MSRA: variants seen among roughly 807,000 people sequenced by gnomAD.
MSRA encodes mitochondrial peptide methionine sulfoxide reductase.
MSRA carries 54 observed loss-of-function variants against 31.3 expected under a neutral mutation model. The ratio of observed to expected loss-of-function variants is 1.73; its 90% CI spans 1.39 to 2.17. MSRA has a LOEUF of 2.17. MSRA is among the 30% of genes most tolerant of loss of function. MSRA has a pLI of 0.00. For synonymous variants in MSRA, 169 were observed against 116.5 expected, an observed-to-expected ratio of 1.45 and a Z score of -2.90; for missense variants, 507 against 300.9, an observed-to-expected ratio of 1.69 and a Z score of -5.07.
intron 5 of MSRA, among the ~76,000 whole-genome samples, chr8:10,421,064 C>CGG (rs1265587298): frequency 2.0e-5 from 3 of 152,060 alleles, no homozygotes; most frequent in African/African-American, 7.2e-5. Flanking sequence ...TTTTGAGTCC[C>CGG]GGGGATGTGA....
At chr8:10,119,584 G>C (rs1466298618) in intron 1 of MSRA, among the ~76,000 whole-genome samples, 4 of 152,206 alleles carry the variant, frequency 2.6e-5, no homozygotes, top group Admixed American at 6.5e-5. Context: ...GCACAGCCTT[G>C]CCCTTTGGGA....
intron 2 of MSRA, among the ~76,000 whole-genome samples, chr8:10,211,251 G>T (rs139748649): frequency 6.6e-4 from 101 of 152,304 alleles, no homozygotes; most frequent in Non-Finnish European, 1.3e-3. Flanking sequence ...CAAGGGATCA[G>T]AGAATAGATA....
rs1201744152 is a variant in MSRA, at chr8:10,168,584, C to T, written c.143-39249C>T. Among the ~76,000 whole-genome samples the T allele has an allele frequency of 3.9e-5, 6 of 152,270 alleles. 1 individual carries two copies. The South Asian group carries it at 6.2e-4, about 16-fold the overall frequency. On this transcript the variant is annotated intron_variant, in intron 1 of 5. Coordinates refer to ENST00000317173, the MANE Select transcript of MSRA (RefSeq NM_012331.5). Reference sequence around the variant, plus strand: ...TAAACCTAGTAGCAAAACCCCTATACGATAATGAGTTGTAGTCTATTTTAC... The same window carrying T: ...TAAACCTAGTAGCAAAACCCCTATATGATAATGAGTTGTAGTCTATTTTAC...
At chr8:10,240,822 A>G (rs1812345587) in intron 2 of MSRA, among the ~76,000 whole-genome samples, 1 of 151,696 alleles carries the variant, frequency 6.6e-6, no homozygotes, top group Admixed American at 6.6e-5. Flanking sequence ...CCAACCATTC[A>G]ACACCCCACC....
intron 5 of MSRA, among the ~76,000 whole-genome samples, chr8:10,399,337 T>A (rs1246235801): frequency 6.6e-6 from 1 of 152,172 alleles, no homozygotes; most frequent in Non-Finnish European, 1.5e-5. Flanking sequence ...AAACTCATGT[T>A]AAAATGTGAC....
chr8:10,077,844 T>C (rs1798070725), intron 1 of MSRA, among the ~76,000 whole-genome samples: 1 of 152,188 alleles, frequency 6.6e-6, no homozygotes, highest in South Asian at 2.1e-4. Context: ...ATTGGTCCCA[T>C]TTACTCATCC....
At chr8:10,186,727 A>T (rs202113700) in intron 1 of MSRA, among the ~76,000 whole-genome samples, 2 of 152,126 alleles carry the variant, frequency 1.3e-5, no homozygotes, top group African/African-American at 4.8e-5. Flanking sequence ...AGTGGCTGTG[A>T]TGGGTGGGGC....
At chr8:10,150,038 AT>A (rs1803526199) in intron 1 of MSRA, among the ~76,000 whole-genome samples, 1 of 146,952 alleles carries the variant, frequency 6.8e-6, no homozygotes, top group African/African-American at 2.5e-5. Context: ...GCTCTGTTGG[AT>A]TGGGGAAAAA....
At position 10,108,872 on chromosome 8, in the gene MSRA, C is replaced by G. The variant is rs142578616; in HGVS notation, c.142+54214C>G. 5.3e-3 allele frequency among the ~76,000 whole-genome samples: 814 copies of G among 152,230 alleles called. 10 individuals are homozygous for G. The highest frequency in any genetic ancestry group is 0.018 in the African/African-American group (740 of 41,538). On this transcript the variant is annotated intron_variant, in intron 1 of 5. Transcript: ENST00000317173. ...TCAACATAAAAGCAGCCCAGAGCTT[C>G]TGCCTGGCTGCCAATGTAGGCAGCC... is the stretch of plus-strand genomic sequence containing the variant.
At chr8:10,369,251 A>T (rs74819208) in intron 5 of MSRA, among the ~76,000 whole-genome samples, 16 of 117,484 alleles carry the variant, frequency 1.4e-4, no homozygotes, top group Admixed American at 8.7e-4. Flanking sequence ...AGAGTTCTTT[A>T]AAAAAAAAAA....
intron 1 of MSRA, among the ~76,000 whole-genome samples, chr8:10,108,728 TA>T (rs1800065345): frequency 6.6e-6 from 1 of 152,200 alleles, no homozygotes; most frequent in African/African-American, 2.4e-5. Context: ...TGCAGGTCTC[TA>T]GCACTTATCA....
At chr8:10,380,201 C>T (rs1194809053) in intron 5 of MSRA, among the ~76,000 whole-genome samples, 1 of 152,210 alleles carries the variant, frequency 6.6e-6, no homozygotes, top group Non-Finnish European at 1.5e-5. Context: ...TTTTCATGTG[C>T]TGTTTCCTCT....
chr8:10,090,990 C>T (rs890795728), intron 1 of MSRA, among the ~76,000 whole-genome samples: 2 of 152,132 alleles, frequency 1.3e-5, no homozygotes, highest in African/African-American at 2.4e-5. Context: ...ATTCTGTGGG[C>T]ATTTATGTGT....
At chr8:10,211,260 T>C (rs1203150694) in intron 2 of MSRA, among the ~76,000 whole-genome samples, 6 of 152,156 alleles carry the variant, frequency 3.9e-5, no homozygotes, top group African/African-American at 1.2e-4. Context: ...AGAGAATAGA[T>C]AGATGATTCC....
At chr8:10,182,709 T>C (rs1394589682) in intron 1 of MSRA, among the ~76,000 whole-genome samples, 1 of 152,206 alleles carries the variant, frequency 6.6e-6, no homozygotes, top group Non-Finnish European at 1.5e-5. Flanking sequence ...GCTCAGGGCC[T>C]CATTTCCTTG....
At chr8:10,304,015 A>C (rs1200326072) in intron 4 of MSRA, among the ~76,000 whole-genome samples, 1 of 152,038 alleles carries the variant, frequency 6.6e-6, no homozygotes, top group Non-Finnish European at 1.5e-5. Context: ...GTCTCACTGA[A>C]CCCTCCACCT....
chr8:10,427,747 T>C (rs1809272598), intron 5 of MSRA, among the ~76,000 whole-genome samples: 1 of 152,128 alleles, frequency 6.6e-6, no homozygotes, highest in African/African-American at 2.4e-5. Context: ...CTGAGCCCTC[T>C]CAGGGACATC....
intron 3 of MSRA, among the ~76,000 whole-genome samples, chr8:10,246,342 T>C (rs1797622511): frequency 6.6e-6 from 1 of 152,232 alleles, no homozygotes; most frequent in Non-Finnish European, 1.5e-5. Context: ...AGATTACCTC[T>C]CTGGACTTGT....
intron 5 of MSRA, among the ~76,000 whole-genome samples, chr8:10,423,719 C>A (rs1808953863): frequency 6.6e-6 from 1 of 152,196 alleles, no homozygotes; most frequent in South Asian, 2.1e-4. Context: ...ACTGAACCTG[C>A]CCATGGAACT....
Sources: allele counts gnomAD v4.1 joint callset (sites outside exome capture counted in the v4.1 genomes callset), GRCh38; gene constraint gnomAD v4.1.1; transcripts MANE v1.5; gene names NCBI Gene and HGNC (gene_info 2026-07-23, HGNC 2026-07-21).